The following OR2L13 variants were observed in gnomAD, a reference collection of about 807,000 sequenced individuals.
OR2L13 encodes the protein olfactory receptor family 2 subfamily L member 13, also known as olfactory receptor 2L13.
Under a neutral mutation model 15.3 loss-of-function variants are expected in OR2L13, and 14 were observed. The observed-to-expected ratio is 0.91, with a 90% confidence interval of 0.60 to 1.43. OR2L13 has a LOEUF of 1.43. Ranked by LOEUF, OR2L13 falls within the 40% of genes most tolerant of loss-of-function variation. OR2L13 has a pLI of 0.00. For missense variants in OR2L13, 367 were observed against 387.9 expected (o/e 0.95, Z 0.45); for synonymous variants, 152 against 142.9 (o/e 1.06, Z -0.45).
chr1:248,098,541 GCTCT>G (rs1664782443), intron 1 of OR2L13, 106 bp from the exon 2 acceptor site: 1 of 152,194 alleles, frequency 6.6e-6, no homozygotes, highest in East Asian at 1.9e-4. Flanking sequence ...CCTGTGGCAG[GCTCT>G]CTTTCACAAT....
the OR2L13 span, among the ~76,000 whole-genome samples, chr1:248,063,587 G>A: frequency 2.0e-5 from 3 of 152,188 alleles, no homozygotes; most frequent in Non-Finnish European, 2.9e-5. Context: ...AACAGGGAGG[G>A]GCTTTGGGAC....
chr1:248,075,088 G>C, the OR2L13 span, among the ~76,000 whole-genome samples: 1 of 151,834 alleles, frequency 6.6e-6, no homozygotes, highest in African/African-American at 2.4e-5. Context: ...TGATCTCATC[G>C]TTCAATTCCC....
the OR2L13 span, among the ~76,000 whole-genome samples, chr1:248,000,624 A>G: frequency 3.3e-5 from 5 of 151,640 alleles, no homozygotes; most frequent in Non-Finnish European, 7.4e-5. Flanking sequence ...TACATCCTCA[A>G]CTTGATTTAC....
chr1:247,989,686 C>T, the OR2L13 span, among the ~76,000 whole-genome samples: 1 of 152,114 alleles, frequency 6.6e-6, no homozygotes, highest in Non-Finnish European at 1.5e-5. Context: ...CATAGTCTAA[C>T]TAAACTAAGG....
the OR2L13 span, among the ~76,000 whole-genome samples, chr1:247,978,026 A>G: frequency 6.6e-6 from 1 of 152,146 alleles, no homozygotes; most frequent in African/African-American, 2.4e-5. Context: ...CAGAGCGATG[A>G]AGCCAGCTGG....
chr1:247,961,676 A>G, the OR2L13 span, among the ~76,000 whole-genome samples: 3 of 152,220 alleles, frequency 2.0e-5, no homozygotes, highest in Admixed American at 6.5e-5. Context: ...GAAAGAAGCC[A>G]TGTCTGGACC....
At chr1:247,970,497 AT>A in the OR2L13 span, among the ~76,000 whole-genome samples, 3,276 of 152,068 alleles carry the variant, frequency 0.022, 69 homozygotes, top group East Asian at 0.092. Flanking sequence ...TGTATATAGG[AT>A]TTTTCCCCCT....
the OR2L13 span, chr1:248,039,009 TC>T: frequency 6.2e-7 from 1 of 1,614,064 alleles, no homozygotes; most frequent in Non-Finnish European, 8.5e-7. Context: ...CACTGTAGTG[TC>T]CTTCTACTAT....
At chr1:247,990,911 G>C in the OR2L13 span, 1 of 1,481,562 alleles carries the variant, frequency 6.7e-7, no homozygotes, top group Non-Finnish European at 9.4e-7. Context: ...TGTATTGCAT[G>C]TTCCTATGGC....
chr1:248,075,598 G>T, the OR2L13 span, among the ~76,000 whole-genome samples: 2 of 152,208 alleles, frequency 1.3e-5, no homozygotes, highest in East Asian at 3.8e-4. Flanking sequence ...TTTCTCTGAT[G>T]ACCAGTGATG....
the OR2L13 span, among the ~76,000 whole-genome samples, chr1:247,995,724 TTTTG>T: frequency 4.4e-3 from 671 of 151,244 alleles, 4 homozygotes; most frequent in African/African-American, 0.015. Flanking sequence ...AGCATTTATT[TTTTG>T]TTTATTTATT....
chr1:248,056,496 A>G, the OR2L13 span, among the ~76,000 whole-genome samples: 1 of 152,078 alleles, frequency 6.6e-6, no homozygotes, highest in Admixed American at 6.6e-5. Context: ...ATTTAGTGCA[A>G]TAAATGTCCC....
the OR2L13 span, among the ~76,000 whole-genome samples, chr1:247,985,097 TA>T: frequency 6.6e-6 from 1 of 152,192 alleles, no homozygotes; most frequent in Non-Finnish European, 1.5e-5. Flanking sequence ...CTTACTACAT[TA>T]TTTTTTACTC....
At chr1:247,966,318 T>C in the OR2L13 span, 1 of 1,613,016 alleles carries the variant, frequency 6.2e-7, no homozygotes, top group African/African-American at 1.3e-5. Flanking sequence ...GTAGAAAATA[T>C]GACTTCAGAT....
chr1:248,093,936 A>G (rs919809474), upstream of OR2L13, among the ~76,000 whole-genome samples: 2 of 152,266 alleles, frequency 1.3e-5, no homozygotes, highest in South Asian at 2.1e-4. Flanking sequence ...TAGAGTGGGG[A>G]ATAAACTGGA....
the OR2L13 span, among the ~76,000 whole-genome samples, chr1:248,067,880 G>A: frequency 6.0e-3 from 921 of 152,376 alleles, 11 homozygotes; most frequent in African/African-American, 0.021. Flanking sequence ...CGCCCACAGA[G>A]TCTCGCTGAT....
the OR2L13 span, chr1:248,084,558 C>T: frequency 0.015 from 23,954 of 1,595,636 alleles, 2,946 homozygotes; most frequent in African/African-American, 0.28. Flanking sequence ...TAAAGAGTCC[C>T]AGGAGAATAA....
the OR2L13 span, chr1:248,003,394 C>A: frequency 1.5e-5 from 24 of 1,609,750 alleles, 3 homozygotes; most frequent in South Asian, 2.5e-4. Context: ...TGCATGGAAA[C>A]AAGTCTATCT....
At chr1:248,005,248 A>G in the OR2L13 span, among the ~76,000 whole-genome samples, 5,664 of 152,264 alleles carry the variant, frequency 0.037, 318 homozygotes, top group African/African-American at 0.13. Context: ...CCAATTACCC[A>G]AATTTGATCA....
Sources: gnomAD v4.1 joint callset for allele counts (sites outside exome capture counted in the v4.1 genomes callset) on GRCh38, gnomAD v4.1.1 for gene constraint, MANE v1.5 for transcripts, NCBI Gene and HGNC (gene_info 2026-07-23, HGNC 2026-07-21) for gene names.